Variants in ASAP1 observed in about 807,000 individuals in gnomAD.
ASAP1 encodes ArfGAP with SH3 domain, ankyrin repeat and PH domain 1.
Under a neutral mutation model 145.2 loss-of-function variants are expected in ASAP1, and 43 were observed. That is an observed-to-expected ratio of 0.30 (90% CI 0.23 to 0.38). The LOEUF (loss-of-function observed/expected upper bound fraction) is 0.38, where lower values mean the gene tolerates loss of function less well. Ranked by LOEUF, ASAP1 falls within the 10% of genes least tolerant of loss-of-function variation. The probability of loss-of-function intolerance (pLI) is 1.00; values close to 1 mark genes in which losing one functional copy is unlikely to be tolerated. For synonymous variants in ASAP1, 546 were observed against 515.5 expected (o/e 1.06, Z -0.80); for missense variants, 1,018 against 1,355.3 (o/e 0.75, Z 3.91).
chr8:130,420,523 C>T (rs547437711), intron 1 of ASAP1, among the ~76,000 whole-genome samples: 1 of 152,254 alleles, frequency 6.6e-6, no homozygotes, highest in South Asian at 2.1e-4. Flanking sequence ...CAACCCAAAA[C>T]CTATCAGCCA....
rs186433503 is a variant in ASAP1 at position 130,098,523 on chromosome 8, T to C, written c.2402-6380A>G. Among the ~76,000 whole-genome samples the C allele has an allele frequency of 7.0e-3, 1,073 of 152,222 alleles. 14 individuals are homozygous for C. The highest frequency in any genetic ancestry group is 0.025 in the African/African-American group (1,027 of 41,532). Reference sequence around the variant, plus strand: ...CACGCCCGGCTAATTTTTGTATTTTTTTAGTAGAGACAAGGTTTCACCATG... The same window carrying C: ...CACGCCCGGCTAATTTTTGTATTTTCTTAGTAGAGACAAGGTTTCACCATG... On this transcript the variant is annotated intron_variant, in intron 24 of 29. Transcript: ENST00000518721.
At chr8:130,357,451 C>A (rs1368132822) in intron 3 of ASAP1, among the ~76,000 whole-genome samples, 1 of 152,230 alleles carries the variant, frequency 6.6e-6, no homozygotes, top group Admixed American at 6.5e-5. Context: ...TCCATCTGGG[C>A]TTCAGGCACC....
intron 3 of ASAP1, among the ~76,000 whole-genome samples, chr8:130,292,116 T>A (rs1436305276): frequency 6.6e-6 from 1 of 152,098 alleles, no homozygotes; most frequent in East Asian, 1.9e-4. Flanking sequence ...ACTACCCTTT[T>A]GGATGCTATT....
chr8:130,412,561 T>C (rs1377906187), intron 1 of ASAP1, among the ~76,000 whole-genome samples: 1 of 152,116 alleles, frequency 6.6e-6, no homozygotes, highest in Non-Finnish European at 1.5e-5. Flanking sequence ...CCTCTTTTCT[T>C]TATAAATTAC....
Position 130,111,978 on chromosome 8 carries a change from C to T in ASAP1, c.2401+116G>A, listed in dbSNP as rs1348607680. 33 of 991,288 alleles carry T rather than the reference C, an allele frequency of 3.3e-5. No individual in the cohort carries two copies. In the Admixed American group the frequency reaches 4.4e-4, roughly 13 times the overall value. 61.4% of individuals were successfully genotyped at this position (991,288 alleles called of 1,614,324 possible). On this transcript the variant is annotated intron_variant, in intron 24 of 29. Coordinates refer to ENST00000518721, the MANE Select transcript of ASAP1 (RefSeq NM_018482.4). ...AAGCTGCTCCTGACAACACGATCCG[C>T]GCCACTCAAATGTACCTTGCAATTC...
At chr8:130,127,904 C>T (rs1453663725) in intron 16 of ASAP1, 23 bp downstream of exon 16, 12 of 1,608,156 alleles carry the variant, frequency 7.5e-6, no homozygotes, top group Middle Eastern at 1.7e-4. Context: ...TGTAAAAGCT[C>T]GTTCAAATAT....
intron 2 of ASAP1, chr8:130,361,593 A>T (rs1826710513): frequency 9.6e-7 from 1 of 1,043,394 alleles, no homozygotes; most frequent in Admixed American, 2.0e-5. Flanking sequence ...TCACAATGAG[A>T]TATTGTGCTT....
intron 3 of ASAP1, among the ~76,000 whole-genome samples, chr8:130,342,610 C>A (rs992839668): frequency 2.0e-5 from 3 of 152,114 alleles, no homozygotes; most frequent in Admixed American, 2.0e-4. Context: ...AAAGCACCAT[C>A]CTAAGAAAAA....
chr8:130,425,236 GA>G (rs1829872389), intron 1 of ASAP1, among the ~76,000 whole-genome samples: 1 of 151,972 alleles, frequency 6.6e-6, no homozygotes, highest in South Asian at 2.1e-4. Flanking sequence ...GGAGGCTGAG[GA>G]AGGAGAATCA....
intron 1 of ASAP1, among the ~76,000 whole-genome samples, chr8:130,414,071 G>C (rs1042816615): frequency 6.6e-6 from 1 of 152,238 alleles, no homozygotes; most frequent in Non-Finnish European, 1.5e-5. Context: ...GGACTGGATA[G>C]TGAGTGGCTT....
At chr8:130,307,951 T>G (rs1370149976) in intron 3 of ASAP1, among the ~76,000 whole-genome samples, 1 of 152,202 alleles carries the variant, frequency 6.6e-6, no homozygotes, top group Non-Finnish European at 1.5e-5. Context: ...TTGCACAGCC[T>G]CAGCAAGCAG....
At chr8:130,254,995 T>C (rs535139413) in intron 3 of ASAP1, among the ~76,000 whole-genome samples, 2 of 152,280 alleles carry the variant, frequency 1.3e-5, no homozygotes, top group South Asian at 4.1e-4. Context: ...CTTCCCTTTC[T>C]GGGAAAATTA....
At chr8:130,317,010 G>A (rs2137608156) in intron 3 of ASAP1, among the ~76,000 whole-genome samples, 1 of 151,494 alleles carries the variant, frequency 6.6e-6, no homozygotes, top group South Asian at 2.1e-4. Context: ...GCTGTTGAAT[G>A]TTCCAGGCCC....
At chr8:130,401,543 C>T (rs1457439860) in intron 2 of ASAP1, among the ~76,000 whole-genome samples, 2 of 152,168 alleles carry the variant, frequency 1.3e-5, no homozygotes, top group Admixed American at 1.3e-4. Flanking sequence ...CCATGTCCAG[C>T]CTGAAATGTT....
chr8:130,237,347 T>C (rs762205990), intron 3 of ASAP1, among the ~76,000 whole-genome samples: 2 of 152,100 alleles, frequency 1.3e-5, no homozygotes, highest in Non-Finnish European at 2.9e-5. Flanking sequence ...AAGGCAAGCA[T>C]AGACATGAAT....
chr8:130,329,586 T>G (rs1824552735), intron 3 of ASAP1, among the ~76,000 whole-genome samples: 1 of 152,180 alleles, frequency 6.6e-6, no homozygotes, highest in South Asian at 2.1e-4. Flanking sequence ...ACTGCTCTCC[T>G]CCAGAGCTCC....
At chr8:130,429,399 A>T (rs1830060101) in intron 1 of ASAP1, among the ~76,000 whole-genome samples, 1 of 152,184 alleles carries the variant, frequency 6.6e-6, no homozygotes, top group Non-Finnish European at 1.5e-5. Context: ...CTCACTTTAG[A>T]TAGTTCTCTT....
At chr8:130,330,889 T>C (rs956193505) in intron 3 of ASAP1, among the ~76,000 whole-genome samples, 1 of 152,204 alleles carries the variant, frequency 6.6e-6, no homozygotes, top group Non-Finnish European at 1.5e-5. Context: ...TCTACGATTC[T>C]CTGGGATGCT....
At chr8:130,072,606 A>C (rs2097449388) in intron 27 of ASAP1, among the ~76,000 whole-genome samples, 1 of 151,692 alleles carries the variant, frequency 6.6e-6, no homozygotes, top group Admixed American at 6.6e-5. Context: ...CCCTTCCCCC[A>C]TACTTCTCTC....
Sources: gnomAD v4.1 joint callset for allele counts (sites outside exome capture counted in the v4.1 genomes callset) on GRCh38, gnomAD v4.1.1 for gene constraint, MANE v1.5 for transcripts, NCBI Gene and HGNC (gene_info 2026-07-23, HGNC 2026-07-21) for gene names.